PLCH1: variants seen among roughly 807,000 people sequenced by gnomAD.
PLCH1 encodes 1-phosphatidylinositol 4,5-bisphosphate phosphodiesterase eta-1.
Under a neutral mutation model 126.7 loss-of-function variants are expected in PLCH1, and 60 were observed. That is an observed-to-expected ratio of 0.47 (90% CI 0.38 to 0.59). The LOEUF (loss-of-function observed/expected upper bound fraction) is 0.59. Among genes scored for constraint, PLCH1 ranks in the 20% least tolerant of loss-of-function variants. The pLI is 0.00. For synonymous variants in PLCH1, 719 were observed against 734.9 expected (o/e 0.98, Z 0.35); for missense variants, 1,723 against 2,040.0 (o/e 0.84, Z 2.99).
chr3:155,653,201 A>G (rs1740948791), intron 2 of PLCH1, among the ~76,000 whole-genome samples: 1 of 151,832 alleles, frequency 6.6e-6, no homozygotes, highest in Admixed American at 6.6e-5. Flanking sequence ...ATATAGATAT[A>G]GATGATGCAG....
intron 2 of PLCH1, among the ~76,000 whole-genome samples, chr3:155,626,907 A>G (rs1737378163): frequency 6.6e-6 from 1 of 152,072 alleles, no homozygotes; most frequent in South Asian, 2.1e-4. Flanking sequence ...TAAAGGTTTA[A>G]TATCCCATTA....
intron 10 of PLCH1, among the ~76,000 whole-genome samples, chr3:155,536,058 A>T (rs1158143112): frequency 6.6e-6 from 1 of 152,178 alleles, no homozygotes; most frequent in African/African-American, 2.4e-5. Context: ...GGGTGGCTAG[A>T]CCCAGACAAG....
intron 1 of PLCH1, chr3:155,742,040 T>C (rs986542810): frequency 1.3e-5 from 2 of 152,186 alleles, no homozygotes; most frequent in African/African-American, 4.8e-5. Flanking sequence ...TCTGAGTGAT[T>C]AGCACCAAAT....
rs2107985505 is a variant in PLCH1 at position 155,473,575 on chromosome 3, C to T, written c.2938+11781G>A. Among the ~76,000 whole-genome samples the T allele has an allele frequency of 2.6e-5, 4 of 151,482 alleles. No homozygotes were observed. In the South Asian group the frequency reaches 8.3e-4, roughly 32 times the overall value. On this transcript the variant is annotated intron_variant, in intron 21 of 21. Coordinates refer to the PLCH1 transcript ENST00000494598. ...TTCTTCACAGAATTGGAAAAAACTA[C>T]TTTAAAGTTCATATGGAACCAAAAA...
intron 11 of PLCH1, among the ~76,000 whole-genome samples, chr3:155,521,334 T>C (rs1721081001): frequency 6.6e-6 from 1 of 152,218 alleles, no homozygotes; most frequent in Non-Finnish European, 1.5e-5. Context: ...TCTATTTTGT[T>C]ACTGATATAT....
chr3:155,541,419 T>C lies in PLCH1; in HGVS notation c.1362+8368A>G, dbSNP rs111970013. Among the ~76,000 whole-genome samples, 121 of 152,254 alleles carry C rather than the reference T, an allele frequency of 7.9e-4. 3 individuals carry two copies. The highest frequency in any genetic ancestry group is 2.8e-3 in the African/African-American group (117 of 41,556). On this transcript the variant is annotated intron_variant, in intron 10 of 22. Transcript: ENST00000460012. ...TATTTTTTAAAAAGTAAGAGACATGTGAGTTGCCTTTCACTTGGACACTTG... is the reference window on the plus strand; with the variant it reads ...TATTTTTTAAAAAGTAAGAGACATGCGAGTTGCCTTTCACTTGGACACTTG...
chr3:155,484,488 C>A (rs918877306), intron 22 of PLCH1, among the ~76,000 whole-genome samples: 2 of 152,122 alleles, frequency 1.3e-5, no homozygotes, highest in Non-Finnish European at 2.9e-5. Flanking sequence ...TGAAATTAGA[C>A]CATTTGATAA....
At chr3:155,670,018 C>G (rs1171748202) in intron 2 of PLCH1, among the ~76,000 whole-genome samples, 1 of 152,194 alleles carries the variant, frequency 6.6e-6, no homozygotes, top group African/African-American at 2.4e-5. Context: ...GCCAAAATAT[C>G]AACCATGGTT....
At position 155,481,102 on chromosome 3, in the gene PLCH1, G is replaced by A. The variant is rs749296221; in HGVS notation, c.4924C>T (p.Arg1642Trp). 75 of 1,614,070 alleles carry A rather than the reference G, an allele frequency of 4.6e-5. 1 individual carries two copies. The highest frequency in any genetic ancestry group is 4.1e-4 in the South Asian group (37 of 91,092). Reference protein sequence around the residue: ...KNTKGGGLEGRGIPEGACTAL... With the variant: ...KNTKGGGLEGWGIPEGACTAL... ...GTGCATGCCCCCTCTGGGATGCCCCGGCCTTCAAGGCCACCCCCTTTCGTG... is the reference window on the plus strand; with the variant it reads ...GTGCATGCCCCCTCTGGGATGCCCCAGCCTTCAAGGCCACCCCCTTTCGTG... The change falls in exon 23 of 23, where the codon CGG becomes TGG. Residue 1642 changes from arginine (R) to tryptophan (W), a missense_variant. This residue lies in a region of PLCH1 where 947 missense variants were observed against 977.1 expected (regional missense o/e 0.97). Coordinates refer to ENST00000460012, the MANE Select transcript of PLCH1 (RefSeq NM_014996.4). The surrounding 1 kb of genome is among the most constrained non-coding windows in gnomAD (Gnocchi z 4.2).
At chr3:155,729,491 G>T (rs990862439) in intron 1 of PLCH1, among the ~76,000 whole-genome samples, 2 of 152,168 alleles carry the variant, frequency 1.3e-5, no homozygotes, top group African/African-American at 2.4e-5. Flanking sequence ...AGGAGAATAT[G>T]GGAGGGTTGC....
At chr3:155,593,000 T>C (rs1732410033) in intron 4 of PLCH1, among the ~76,000 whole-genome samples, 1 of 152,188 alleles carries the variant, frequency 6.6e-6, no homozygotes, top group Admixed American at 6.5e-5. Flanking sequence ...AGCTGAATTA[T>C]TTCCATTCTT....
intron 2 of PLCH1, among the ~76,000 whole-genome samples, chr3:155,669,932 C>T (rs1166004226): frequency 6.6e-6 from 1 of 152,220 alleles, no homozygotes; most frequent in Non-Finnish European, 1.5e-5. Flanking sequence ...AATGGCGTAA[C>T]TCCTTTCTGT....
intron 21 of PLCH1, among the ~76,000 whole-genome samples, chr3:155,461,179 C>T (rs981299262): frequency 1.3e-5 from 2 of 152,206 alleles, no homozygotes; most frequent in Non-Finnish European, 2.9e-5. Context: ...TATTGATTGA[C>T]ATTTTTCTAA....
chr3:155,521,301 C>T (rs1721077501), intron 11 of PLCH1, among the ~76,000 whole-genome samples: 1 of 152,108 alleles, frequency 6.6e-6, no homozygotes, highest in Non-Finnish European at 1.5e-5. Flanking sequence ...GATGTGTAAA[C>T]TTCACAAAGG....
At chr3:155,567,735 T>C (rs1034313211) in intron 7 of PLCH1, among the ~76,000 whole-genome samples, 2 of 152,208 alleles carry the variant, frequency 1.3e-5, no homozygotes, top group Non-Finnish European at 2.9e-5. Context: ...ATTTAACTTA[T>C]TTGAGCCTCA....
At chr3:155,521,419 T>C (rs73874835) in intron 11 of PLCH1, among the ~76,000 whole-genome samples, 8,393 of 152,312 alleles carry the variant, frequency 0.055, 450 homozygotes, top group African/African-American at 0.14. Context: ...AATGTACAAA[T>C]GAATCTTACA....
chr3:155,696,767 G>A (rs1559943785), intron 2 of PLCH1, among the ~76,000 whole-genome samples: 1 of 152,210 alleles, frequency 6.6e-6, no homozygotes, highest in Non-Finnish European at 1.5e-5. Flanking sequence ...TTAGAAAATT[G>A]GTATTCCCAA....
chr3:155,691,701 G>A lies in PLCH1; in HGVS notation c.79+12445C>T, dbSNP rs528797005. ...AACACAATTCTAGTTAATATTTAAG[G>A]TTGCATCTGATATACTCCAAATGAT... is the stretch of plus-strand genomic sequence containing the variant. On this transcript the variant is annotated intron_variant, in intron 2 of 22. Coordinates refer to ENST00000460012, the MANE Select transcript of PLCH1 (RefSeq NM_014996.4). Among the ~76,000 whole-genome samples the A allele has an allele frequency of 1.6e-4, 24 of 152,202 alleles. No individual in the cohort carries two copies. In the South Asian group the frequency reaches 4.8e-3, roughly 30 times the overall value.
chr3:155,602,703 G>T (rs6807629), intron 2 of PLCH1, among the ~76,000 whole-genome samples: 13,297 of 152,072 alleles, frequency 0.087, 1,401 homozygotes, highest in African/African-American at 0.25. Context: ...ACACAGAAAA[G>T]GTACAATAAA....
Sources: allele counts gnomAD v4.1 joint callset (sites outside exome capture counted in the v4.1 genomes callset), GRCh38; gene constraint gnomAD v4.1.1; regional missense constraint gnomAD v4.1.1; non-coding constraint Gnocchi (gnomAD v3.1); transcripts MANE v1.5; gene names NCBI Gene and HGNC (gene_info 2026-07-23, HGNC 2026-07-21).